Variants in ESR1 observed in about 807,000 individuals in gnomAD.
ESR1 encodes the protein estrogen receptor.
Under a neutral mutation model 52.7 loss-of-function variants are expected in ESR1, and 12 were observed. That is an observed-to-expected ratio of 0.23 (90% CI 0.15 to 0.37). The LOEUF (loss-of-function observed/expected upper bound fraction) is 0.37. Among genes scored for constraint, ESR1 ranks in the 10% least tolerant of loss-of-function variants. The pLI is 1.00. For synonymous variants in ESR1, 305 were observed against 316.8 expected (o/e 0.96, Z 0.39); for missense variants, 584 against 779.7 (o/e 0.75, Z 2.99).
intron 2 of ESR1, among the ~76,000 whole-genome samples, chr6:151,877,808 A>C (rs1792103226): frequency 6.6e-6 from 1 of 151,646 alleles, no homozygotes; most frequent in Non-Finnish European, 1.5e-5. Context: ...TTAATTTTTT[A>C]TTTTATTCTT....
chr6:151,793,050 A>T (rs1393907284), intron 2 of ESR1, among the ~76,000 whole-genome samples: 1 of 152,056 alleles, frequency 6.6e-6, no homozygotes, highest in African/African-American at 2.4e-5. Context: ...GTGCACCTGC[A>T]GTCCCAGCTA....
intron 2 of ESR1, among the ~76,000 whole-genome samples, chr6:151,845,240 C>T (rs1441772710): frequency 2.0e-5 from 3 of 152,132 alleles, no homozygotes; most frequent in African/African-American, 7.2e-5. Flanking sequence ...CAAGTTCAAA[C>T]ATTTTGAAAA....
chr6:152,012,964 G>T (rs894359166), intron 5 of ESR1, among the ~76,000 whole-genome samples: 1 of 152,104 alleles, frequency 6.6e-6, no homozygotes, highest in Non-Finnish European at 1.5e-5. Flanking sequence ...ACAAGGTGTT[G>T]GTTATTGTTT....
chr6:151,957,672 A>C (rs962524293), intron 4 of ESR1, among the ~76,000 whole-genome samples: 6 of 152,136 alleles, frequency 3.9e-5, no homozygotes, highest in African/African-American at 1.4e-4. Flanking sequence ...GTAGTTATAC[A>C]TGCAAATACT....
chr6:151,894,491 C>T (rs9397452), intron 3 of ESR1, among the ~76,000 whole-genome samples: 2,532 of 152,054 alleles, frequency 0.017, 69 homozygotes, highest in East Asian at 0.095. Context: ...GTTTTTCTGA[C>T]GTTAACTTCT....
At chr6:151,740,564 G>A (rs1351246281) in intron 2 of ESR1, among the ~76,000 whole-genome samples, 3 of 152,010 alleles carry the variant, frequency 2.0e-5, no homozygotes, top group African/African-American at 4.8e-5. Context: ...TCTGTCTTGA[G>A]CTTTTCTTTT....
chr6:151,766,411 G>A (rs1431978718), intron 2 of ESR1, among the ~76,000 whole-genome samples: 1 of 152,106 alleles, frequency 6.6e-6, no homozygotes, highest in South Asian at 2.1e-4. Flanking sequence ...AGCCTGGGAA[G>A]CGGAGGTTGC....
chr6:151,669,677 G>C (rs1402291836), intron 1 of ESR1, among the ~76,000 whole-genome samples: 1 of 152,166 alleles, frequency 6.6e-6, no homozygotes, highest in South Asian at 2.1e-4. Context: ...TGGTAGGGCT[G>C]TTGGAAGGAT....
intron 1 of ESR1, among the ~76,000 whole-genome samples, chr6:151,812,948 T>C (rs1779041340): frequency 6.7e-6 from 1 of 148,986 alleles, no homozygotes; most frequent in African/African-American, 2.5e-5. Flanking sequence ...CGCCAGTGAA[T>C]TGACGTGTAA....
At chr6:152,022,349 C>G (rs9479161) in intron 5 of ESR1, among the ~76,000 whole-genome samples, 3 of 152,226 alleles carry the variant, frequency 2.0e-5, no homozygotes, top group African/African-American at 7.2e-5. Context: ...TGAGCAACTC[C>G]GAGGAGTTTT....
At chr6:151,735,840 G>A (rs1434077920) in intron 2 of ESR1, among the ~76,000 whole-genome samples, 3 of 152,252 alleles carry the variant, frequency 2.0e-5, no homozygotes, top group East Asian at 3.9e-4. Context: ...CTGGTGGGAG[G>A]TGATTGGATC....
intron 2 of ESR1, among the ~76,000 whole-genome samples, chr6:151,727,247 G>T (rs1781915970): frequency 6.6e-6 from 1 of 151,742 alleles, no homozygotes; most frequent in African/African-American, 2.4e-5. Context: ...TGTCACCCAG[G>T]CTGGAGTGCA....
chr6:151,977,963 G>GAAAAAAAAAAAAAAAAAAAA (rs5880951), intron 4 of ESR1, among the ~76,000 whole-genome samples: 3 of 118,358 alleles, frequency 2.5e-5, no homozygotes, highest in Non-Finnish European at 3.4e-5. Flanking sequence ...AAAAAAAAAA[G>GAAAAAAAAAAAAAAAAAAAA]AAAAAAAAAA....
At chr6:151,885,228 A>T (rs1793649289) in intron 3 of ESR1, among the ~76,000 whole-genome samples, 1 of 152,216 alleles carries the variant, frequency 6.6e-6, no homozygotes, top group African/African-American at 2.4e-5. Flanking sequence ...ATGTCCTCAC[A>T]GTATAAAGAG....
intron 4 of ESR1, among the ~76,000 whole-genome samples, chr6:151,997,208 G>C (rs937997755): frequency 9.2e-5 from 14 of 152,110 alleles, no homozygotes; most frequent in Admixed American, 1.3e-4. Context: ...TAGGAAGTCA[G>C]TATTGGCATA....
At chr6:151,711,318 T>C (rs1312443751) in intron 2 of ESR1, among the ~76,000 whole-genome samples, 7 of 151,010 alleles carry the variant, frequency 4.6e-5, no homozygotes, top group African/African-American at 1.7e-4. Context: ...ACCTCCCGGG[T>C]TCATGCCATT....
At chr6:151,780,234 G>A (rs982454397) in intron 2 of ESR1, among the ~76,000 whole-genome samples, 3 of 151,982 alleles carry the variant, frequency 2.0e-5, no homozygotes, top group Admixed American at 1.3e-4. Flanking sequence ...GGGAAGAATA[G>A]CATTAGGAGA....
At chr6:152,027,420 A>G (rs1310985513) in intron 5 of ESR1, among the ~76,000 whole-genome samples, 1 of 152,040 alleles carries the variant, frequency 6.6e-6, no homozygotes, top group African/African-American at 2.4e-5. Flanking sequence ...TGATTCTCTA[A>G]TCGTTTTTGG....
chr6:151,727,606 C>T (rs373438462), intron 2 of ESR1, among the ~76,000 whole-genome samples: 25 of 152,012 alleles, frequency 1.6e-4, no homozygotes, highest in African/African-American at 6.0e-4. Flanking sequence ...TCAGACTCAG[C>T]AAAAATAGGA....
Sources: gnomAD v4.1 joint callset for allele counts (sites outside exome capture counted in the v4.1 genomes callset) on GRCh38, gnomAD v4.1.1 for gene constraint, MANE v1.5 for transcripts, NCBI Gene and HGNC (gene_info 2026-07-23, HGNC 2026-07-21) for gene names.